The following FGD3 variants were observed in gnomAD, a reference collection of about 807,000 sequenced individuals.
FGD3 encodes the protein FYVE, RhoGEF and PH domain-containing protein 3.
FGD3 carries 45 observed loss-of-function variants against 71.8 expected under a neutral mutation model. The ratio of observed to expected loss-of-function variants is 0.63; its 90% CI spans 0.49 to 0.80. The LOEUF is 0.80. Ranked by LOEUF, FGD3 falls within the 30% of genes least tolerant of loss-of-function variation. The pLI is 0.00. For synonymous variants in FGD3, 378 were observed against 392.8 expected, an observed-to-expected ratio of 0.96 and a Z score of 0.44; for missense variants, 844 against 951.5, an observed-to-expected ratio of 0.89 and a Z score of 1.49.
chr9:93,010,023 C>T (rs1178039633), intron 6 of FGD3, among the ~76,000 whole-genome samples: 2 of 152,210 alleles, frequency 1.3e-5, no homozygotes, highest in Non-Finnish European at 2.9e-5. Context: ...GGGCCAAGGG[C>T]CAGCCTGCCT....
At chr9:92,980,727 TTTGG>T (rs1859959587) in intron 3 of FGD3, among the ~76,000 whole-genome samples, 2 of 152,120 alleles carry the variant, frequency 1.3e-5, no homozygotes, top group African/African-American at 2.4e-5. Flanking sequence ...ATTCCAGCAC[TTTGG>T]GAGGCTGAGG....
chr9:92,963,945 T>A (rs1480667995), intron 1 of FGD3: 1 of 152,328 alleles, frequency 6.6e-6, no homozygotes, highest in Non-Finnish European at 1.5e-5. Flanking sequence ...TTGTCTGGTC[T>A]AGGGCCGGCC....
chr9:92,997,168 G>T (rs997101442), intron 3 of FGD3, among the ~76,000 whole-genome samples: 9 of 152,142 alleles, frequency 5.9e-5, no homozygotes, highest in African/African-American at 2.2e-4. Flanking sequence ...CCTGTATTGG[G>T]TGCATATATA....
At chr9:92,996,897 C>T (rs1860667559) in intron 3 of FGD3, among the ~76,000 whole-genome samples, 2 of 152,180 alleles carry the variant, frequency 1.3e-5, no homozygotes, top group Admixed American at 6.5e-5. Context: ...TTACTTCCAA[C>T]TATGTGGTCC....
chr9:93,013,473 A>G (rs1033844804), intron 8 of FGD3, among the ~76,000 whole-genome samples: 46 of 152,190 alleles, frequency 3.0e-4, no homozygotes, highest in African/African-American at 1.1e-3. Flanking sequence ...GGAAGGTGAC[A>G]TATGGATTGT....
chr9:92,990,365 A>G (rs1188556593), intron 3 of FGD3, among the ~76,000 whole-genome samples: 1 of 152,218 alleles, frequency 6.6e-6, no homozygotes, highest in Non-Finnish European at 1.5e-5. Context: ...TAATCTGCAA[A>G]CAGGGACAAT....
intron 16 of FGD3, chr9:93,033,461 T>C: frequency 6.6e-6 from 1 of 150,986 alleles, no homozygotes; most frequent in Admixed American, 6.3e-5. Context: ...TACTCTTCCC[T>C]CTCCTTCTCC....
At chr9:92,977,845 C>A (rs954493159) in intron 3 of FGD3, among the ~76,000 whole-genome samples, 7 of 152,118 alleles carry the variant, frequency 4.6e-5, no homozygotes, top group African/African-American at 1.7e-4. Context: ...TGATTCTACT[C>A]CCTCACTTTT....
intron 3 of FGD3, among the ~76,000 whole-genome samples, chr9:92,980,276 C>T (rs1302391821): frequency 6.6e-6 from 1 of 152,188 alleles, no homozygotes; most frequent in Non-Finnish European, 1.5e-5. Flanking sequence ...CTGCCTTGGC[C>T]TCCCAAGTGC....
In FGD3 at chr9:93,035,865, A is replaced by C; in HGVS notation, c.*276A>C. 2.3e-6 allele frequency: 1 copy of C among 441,364 alleles called. No individual in the cohort carries two copies. Among genetic ancestry groups the C allele is most frequent in the Non-Finnish European group, 4.0e-6 (1 of 248,932 alleles). The allele number at this position is 441,364 out of a possible 1,614,324, so 27.3% of individuals were successfully genotyped here. ...GACTGCCAAAGTAACCATCATCCAT[A>C]TGGGCCGTGTGGTGATGCTGGCCCG... On this transcript the variant is annotated 3_prime_UTR_variant, in exon 18 of 18. Coordinates refer to ENST00000375482, the MANE Select transcript of FGD3 (RefSeq NM_001083536.2).
rs1862570131 is a variant in FGD3 at position 93,035,605 on chromosome 9, G to A, written c.*16G>A. ...TGCTCCGTGAGCTGAGTCTCCCACT[G>A]CCCTGCACACCACCACATTGGACCT... On this transcript the variant is annotated 3_prime_UTR_variant, in exon 18 of 18. Transcript: ENST00000375482. 6 of 1,571,520 alleles carry A rather than the reference G, an allele frequency of 3.8e-6. No individual in the cohort carries two copies. Among genetic ancestry groups the A allele is most frequent in the Non-Finnish European group, 5.2e-6 (6 of 1,161,832 alleles).
At chr9:92,985,314 C>T (rs568035584) in intron 3 of FGD3, among the ~76,000 whole-genome samples, 1 of 152,228 alleles carries the variant, frequency 6.6e-6, no homozygotes, top group Non-Finnish European at 1.5e-5. Context: ...TTAGCCCTGT[C>T]CTCCTGATTC....
chr9:92,950,211 A>T (rs1436986852), intron 1 of FGD3, among the ~76,000 whole-genome samples: 6 of 151,864 alleles, frequency 4.0e-5, no homozygotes, highest in African/African-American at 1.5e-4. Flanking sequence ...AGGTCAGGAG[A>T]TCGAGACCAT....
At chr9:92,989,557 G>A (rs1372313341) in intron 3 of FGD3, among the ~76,000 whole-genome samples, 1 of 152,226 alleles carries the variant, frequency 6.6e-6, no homozygotes, top group East Asian at 1.9e-4. Flanking sequence ...TAGAAAAACA[G>A]TCTGTGGCCT....
intron 3 of FGD3, among the ~76,000 whole-genome samples, chr9:92,981,883 C>G (rs1564149390): frequency 6.6e-6 from 1 of 151,888 alleles, no homozygotes; most frequent in Non-Finnish European, 1.5e-5. Context: ...TGTACATATA[C>G]CTGAGTTACA....
intron 3 of FGD3, among the ~76,000 whole-genome samples, chr9:93,001,140 A>T (rs1391028330): frequency 6.6e-6 from 1 of 151,984 alleles, no homozygotes; most frequent in Non-Finnish European, 1.5e-5. Context: ...GTCCTTTTTA[A>T]TAGTTTCTAT....
intron 3 of FGD3, among the ~76,000 whole-genome samples, chr9:92,987,686 T>A (rs1474451948): frequency 6.6e-6 from 1 of 152,126 alleles, no homozygotes; most frequent in African/African-American, 2.4e-5. Flanking sequence ...TCGCCCCTGA[T>A]TCTTTCGTGT....
At chr9:92,990,820 C>T (rs773866694) in intron 3 of FGD3, among the ~76,000 whole-genome samples, 2 of 152,060 alleles carry the variant, frequency 1.3e-5, no homozygotes, top group African/African-American at 4.8e-5. Flanking sequence ...ATTTGGTTTG[C>T]GGGTATTTTG....
intron 3 of FGD3, among the ~76,000 whole-genome samples, chr9:92,983,777 C>G (rs143940049): frequency 1.0e-3 from 156 of 152,314 alleles, no homozygotes; most frequent in African/African-American, 3.7e-3. Context: ...TTTTTACAAA[C>G]CTTCCACAAC....
Sources: allele counts gnomAD v4.1 joint callset (sites outside exome capture counted in the v4.1 genomes callset), GRCh38; gene constraint gnomAD v4.1.1; transcripts MANE v1.5; gene names NCBI Gene and HGNC (gene_info 2026-07-23, HGNC 2026-07-21).